Variants in ZDHHC20 observed in about 807,000 individuals in gnomAD.
The protein encoded by ZDHHC20 is palmitoyltransferase ZDHHC20.
A neutral mutation model predicts 57.8 loss-of-function variants in ZDHHC20; 43 were observed. The ratio of observed to expected loss-of-function variants is 0.74; its 90% confidence interval spans 0.58 to 0.96. The LOEUF is 0.96. ZDHHC20 is among the 40% of genes least tolerant of loss of function. ZDHHC20 has a pLI of 0.00. For synonymous variants in ZDHHC20, 157 were observed against 153.0 expected, an observed-to-expected ratio of 1.03 and a Z score of -0.19; for missense variants, 391 against 441.1, an observed-to-expected ratio of 0.89 and a Z score of 1.02.
rs752237871 is a variant in ZDHHC20 at position 21,459,112 on chromosome 13, G to C, written c.60C>G (p.Leu20=). The C allele has an allele frequency of 5.7e-5, 91 of 1,607,828 alleles. No individual in the cohort carries two copies. Among genetic ancestry groups the C allele is most frequent in the Non-Finnish European group, 7.2e-5 (85 of 1,177,708 alleles). Residue 20 remains leucine, a synonymous_variant, in exon 1 of 13, where the codon CTC becomes CTG. Coordinates refer to ENST00000400590, the MANE Select transcript of ZDHHC20 (RefSeq NM_001330059.2). The stretch of plus-strand genomic sequence containing the variant: ...ACCAGACGACCACGAAGGTGATGAA[G>C]AGCACCGGCACCCAGCCCACGACGC... ...CQRVVGWVPV[L]FITFVVVWSY... is the part of the protein sequence containing the mutation.
intron 1 of ZDHHC20, among the ~76,000 whole-genome samples, chr13:21,428,561 G>A (rs985806046): frequency 1.3e-5 from 2 of 151,616 alleles, no homozygotes; most frequent in Non-Finnish European, 2.9e-5. Flanking sequence ...ACAAAACCAA[G>A]CTTATAAAAA....
chr13:21,397,326 CAA>C (rs879296045), intron 7 of ZDHHC20, among the ~76,000 whole-genome samples: 9 of 128,522 alleles, frequency 7.0e-5, no homozygotes, highest in Admixed American at 8.2e-5. Flanking sequence ...AACTGCATCT[CAA>C]AAAAAAAAAA....
At chr13:21,412,487 C>T (rs534692955) in intron 4 of ZDHHC20, among the ~76,000 whole-genome samples, 2 of 152,040 alleles carry the variant, frequency 1.3e-5, no homozygotes, top group East Asian at 3.9e-4. Context: ...AACAATCATA[C>T]AAGTAAACAA....
chr13:21,450,551 A>G (rs1593287444), intron 1 of ZDHHC20, among the ~76,000 whole-genome samples: 1 of 152,314 alleles, frequency 6.6e-6, no homozygotes, highest in Middle Eastern at 3.4e-3. Context: ...AAATAATACC[A>G]GGACAGATTA....
At chr13:21,383,505 A>G (rs1252808759) in intron 9 of ZDHHC20, among the ~76,000 whole-genome samples, 1 of 152,214 alleles carries the variant, frequency 6.6e-6, no homozygotes, top group African/African-American at 2.4e-5. Flanking sequence ...TAGCAGTGTG[A>G]GAACAGACTA....
intron 2 of ZDHHC20, among the ~76,000 whole-genome samples, chr13:21,422,067 G>A (rs1426844947): frequency 3.3e-5 from 5 of 152,022 alleles, no homozygotes; most frequent in Non-Finnish European, 7.4e-5. Context: ...TACTGATGAG[G>A]TAATACATGC....
intron 1 of ZDHHC20, among the ~76,000 whole-genome samples, chr13:21,433,848 A>G (rs1882264856): frequency 6.6e-6 from 1 of 152,228 alleles, no homozygotes; most frequent in African/African-American, 2.4e-5. Context: ...ATATTTTATT[A>G]GACTTATCCC....
rs1411423974 is a variant in ZDHHC20 at position 21,383,020 on chromosome 13, A to G, written c.855-11T>C. 4.5e-6 allele frequency: 7 copies of G among 1,550,106 alleles called. No individual in the cohort carries two copies. Among genetic ancestry groups the G allele is most frequent in the Non-Finnish European group, 5.2e-6 (6 of 1,145,032 alleles). On this transcript the variant is annotated splice_polypyrimidine_tract_variant and intron_variant, in intron 9 of 12. Coordinates refer to ENST00000400590, the MANE Select transcript of ZDHHC20 (RefSeq NM_001330059.2). ...CAACCATCACCCAAGCTGCATAATG[A>G]AAAAGAGTAATAATTTAAATAATGT...
intron 1 of ZDHHC20, among the ~76,000 whole-genome samples, chr13:21,429,617 G>A (rs911267667): frequency 6.6e-6 from 1 of 152,134 alleles, no homozygotes; most frequent in African/African-American, 2.4e-5. Flanking sequence ...AACTTCTTAA[G>A]TTCTTCTTGA....
intron 8 of ZDHHC20, among the ~76,000 whole-genome samples, chr13:21,391,333 T>C (rs1167410567): frequency 6.6e-6 from 1 of 152,232 alleles, no homozygotes; most frequent in Non-Finnish European, 1.5e-5. Context: ...TTAAAATTTA[T>C]AAAATAGTTC....
chr13:21,383,348 T>G (rs1873778843), intron 9 of ZDHHC20, among the ~76,000 whole-genome samples: 2 of 152,200 alleles, frequency 1.3e-5, no homozygotes, highest in South Asian at 4.1e-4. Flanking sequence ...GGAGTTCCCC[T>G]GGCACATACT....
intron 1 of ZDHHC20, among the ~76,000 whole-genome samples, chr13:21,443,343 T>C (rs1271420329): frequency 6.6e-6 from 1 of 152,178 alleles, no homozygotes; most frequent in Non-Finnish European, 1.5e-5. Context: ...TTTCAGTATT[T>C]CCCACTCGGG....
At chr13:21,437,913 G>A (rs956590883) in intron 1 of ZDHHC20, among the ~76,000 whole-genome samples, 1 of 152,078 alleles carries the variant, frequency 6.6e-6, no homozygotes, top group Non-Finnish European at 1.5e-5. Context: ...GGATGGTCTC[G>A]ATCTCCTGAC....
chr13:21,413,636 T>G lies in ZDHHC20; in HGVS notation c.370+16A>C, dbSNP rs1434654716. 1 of 1,574,564 alleles carries G rather than the reference T, an allele frequency of 6.4e-7. No homozygotes were observed. The highest frequency in any genetic ancestry group is 8.6e-7 in the Non-Finnish European group (1 of 1,166,970). ...TTAAAAATCATTTGAAAAGGAAAACTTATTCTTTTTCTTACTTTTTGAAGC... is the reference window on the plus strand; with the variant it reads ...TTAAAAATCATTTGAAAAGGAAAACGTATTCTTTTTCTTACTTTTTGAAGC... On this transcript the variant is annotated intron_variant, in intron 4 of 12. Transcript: ENST00000400590.
At chr13:21,454,925 G>T (rs1481441125) in intron 1 of ZDHHC20, among the ~76,000 whole-genome samples, 1 of 152,064 alleles carries the variant, frequency 6.6e-6, no homozygotes, top group Non-Finnish European at 1.5e-5. Context: ...TTGTTGGTTT[G>T]TTGGTTCGTT....
intron 4 of ZDHHC20, among the ~76,000 whole-genome samples, chr13:21,407,393 T>C (rs1878595035): frequency 6.6e-6 from 1 of 152,224 alleles, no homozygotes; most frequent in South Asian, 2.1e-4. Context: ...GATAATGAGC[T>C]TTTTAAAATA....
At chr13:21,380,060 C>G (rs1278229009) in intron 11 of ZDHHC20, among the ~76,000 whole-genome samples, 8 of 151,958 alleles carry the variant, frequency 5.3e-5, no homozygotes, top group Admixed American at 5.2e-4. Flanking sequence ...CGTGATCCGC[C>G]TGCCTCGGCC....
At chr13:21,429,181 A>T (rs1244792833) in intron 1 of ZDHHC20, among the ~76,000 whole-genome samples, 1 of 152,220 alleles carries the variant, frequency 6.6e-6, no homozygotes, top group East Asian at 1.9e-4. Context: ...CAGTTCTTGC[A>T]AATGGATACA....
chr13:21,385,028 TTTA>T (rs1279881287), intron 9 of ZDHHC20, among the ~76,000 whole-genome samples: 1 of 151,740 alleles, frequency 6.6e-6, no homozygotes, highest in African/African-American at 2.4e-5. Context: ...CAAACAAGAC[TTTA>T]AAATGATTAT....
Sources: gnomAD v4.1 joint callset for allele counts (sites outside exome capture counted in the v4.1 genomes callset) on GRCh38, gnomAD v4.1.1 for gene constraint, MANE v1.5 for transcripts, NCBI Gene and HGNC (gene_info 2026-07-23, HGNC 2026-07-21) for gene names.